ASIC2: variants seen among roughly 807,000 people sequenced by gnomAD.
The protein encoded by ASIC2 is acid sensing ion channel subunit 2, also known as acid-sensing ion channel 2.
A neutral mutation model predicts 57.3 loss-of-function variants in ASIC2; 25 were observed. The observed-to-expected ratio is 0.44, with a 90% CI of 0.32 to 0.61. The LOEUF (loss-of-function observed/expected upper bound fraction) is 0.61, where lower values mean the gene tolerates loss of function less well. Among genes scored for constraint, ASIC2 ranks in the 20% least tolerant of loss-of-function variants. The pLI, the probability that ASIC2 is intolerant of heterozygous loss-of-function variation, is 0.06. For missense variants in ASIC2, 641 were observed against 738.1 expected (o/e 0.87, Z 1.52); for synonymous variants, 319 against 307.5 (o/e 1.04, Z -0.39).
intron 1 of ASIC2, among the ~76,000 whole-genome samples, chr17:33,866,384 T>C (rs1914237866): frequency 6.6e-6 from 1 of 152,212 alleles, no homozygotes; most frequent in South Asian, 2.1e-4. Context: ...ATTGTATGGA[T>C]ATCTTCATAG....
intron 3 of ASIC2, among the ~76,000 whole-genome samples, chr17:33,038,406 A>C (rs1207072713): frequency 2.0e-5 from 3 of 152,172 alleles, no homozygotes; most frequent in Non-Finnish European, 4.4e-5. Flanking sequence ...CCAAGTCAAG[A>C]TGTTACCAGG....
At chr17:33,760,733 A>G (rs1302085862) in intron 1 of ASIC2, among the ~76,000 whole-genome samples, 5 of 152,132 alleles carry the variant, frequency 3.3e-5, no homozygotes, top group Admixed American at 2.6e-4. Flanking sequence ...TCTTGAAGGT[A>G]AGAGGACAGA....
In ASIC2 at chr17:33,767,288, T is replaced by A. The variant is rs556346657; in HGVS notation, c.555+388690A>T. Among the ~76,000 whole-genome samples the A allele has an allele frequency of 1.5e-4, 23 of 152,370 alleles. No individual in the cohort carries two copies. The South Asian group carries it at 4.8e-3, about 32-fold the overall frequency. ...GTTCAAAAGTATATTTCCTGTGCGC[T>A]GCAGAGTTCATGTTTTAAATCAGAC... is the stretch of plus-strand genomic sequence containing the variant. On this transcript the variant is annotated intron_variant, in intron 1 of 9. Transcript: ENST00000359872.
chr17:33,690,035 A>T lies in ASIC2; in HGVS notation c.555+465943T>A, dbSNP rs956670360. Among the ~76,000 whole-genome samples, 4 of 152,260 alleles carry T rather than the reference A, an allele frequency of 2.6e-5. No individual in the cohort carries two copies. The East Asian group carries it at 7.7e-4, about 29-fold the overall frequency. On this transcript the variant is annotated intron_variant, in intron 1 of 9. Transcript: ENST00000359872. Reference sequence around the variant, plus strand: ...GCTTTAAGTTTCCCAGTTTGTGGTAACTTGTTATAGCAGCTCTAGGAAACT... The same window carrying T: ...GCTTTAAGTTTCCCAGTTTGTGGTATCTTGTTATAGCAGCTCTAGGAAACT...
intron 1 of ASIC2, among the ~76,000 whole-genome samples, chr17:34,124,826 C>T (rs923046528): frequency 1.3e-5 from 2 of 152,024 alleles, no homozygotes; most frequent in Non-Finnish European, 2.9e-5. Context: ...CACTCATTAA[C>T]TCATCTAAGC....
At chr17:33,578,030 C>G (rs1916692563) in intron 1 of ASIC2, among the ~76,000 whole-genome samples, 1 of 152,162 alleles carries the variant, frequency 6.6e-6, no homozygotes, top group Admixed American at 6.5e-5. Flanking sequence ...AGCGAGGACT[C>G]AAGGACTGTA....
chr17:33,292,548 A>G lies in ASIC2; in HGVS notation c.-433T>C. The G allele has an allele frequency of 1.0e-6, 1 of 985,590 alleles. No homozygotes were observed. Among genetic ancestry groups the G allele is most frequent in the African/African-American group, 1.7e-5 (1 of 57,302 alleles). The allele number at this position is 985,590 out of a possible 1,614,324, so 61.1% of individuals were successfully genotyped here. A position where few individuals can be genotyped will look rare whatever the true frequency, so the allele number is the denominator to read the frequency against. ...CCTGCCCCGCCTAACCCCAGCTTTTACGCTGGTCCTGGGAGAAGGGCCACT... is the reference window on the plus strand; with the variant it reads ...CCTGCCCCGCCTAACCCCAGCTTTTGCGCTGGTCCTGGGAGAAGGGCCACT... On this transcript the variant is annotated 5_prime_UTR_variant, in exon 1 of 10. Coordinates refer to ENST00000225823, the MANE Select transcript of ASIC2 (RefSeq NM_183377.2).
intron 1 of ASIC2, among the ~76,000 whole-genome samples, chr17:33,376,082 G>C (rs1438804190): frequency 2.0e-5 from 3 of 152,076 alleles, no homozygotes; most frequent in African/African-American, 7.2e-5. Context: ...TATATGTTTG[G>C]TATTTAAAAC....
chr17:33,320,756 A>G (rs1906837664), intron 1 of ASIC2, among the ~76,000 whole-genome samples: 1 of 152,160 alleles, frequency 6.6e-6, no homozygotes, highest in Non-Finnish European at 1.5e-5. Context: ...CTGGAAATGC[A>G]GACTTCATGA....
At chr17:33,253,518 G>T (rs1170486004) in intron 1 of ASIC2, among the ~76,000 whole-genome samples, 1 of 152,146 alleles carries the variant, frequency 6.6e-6, no homozygotes, top group Non-Finnish European at 1.5e-5. Context: ...AGATTTTCTT[G>T]CATTTCTTTT....
intron 1 of ASIC2, among the ~76,000 whole-genome samples, chr17:33,334,501 A>G (rs907203206): frequency 6.6e-6 from 1 of 152,188 alleles, no homozygotes; most frequent in African/African-American, 2.4e-5. Context: ...TCCAGCATGG[A>G]CCAACTGTCC....
chr17:33,953,541 G>T (rs1418793698), intron 1 of ASIC2, among the ~76,000 whole-genome samples: 18 of 150,898 alleles, frequency 1.2e-4, no homozygotes, highest in Non-Finnish European at 1.5e-5. Context: ...TATCTACTTG[G>T]TTGCTTGCTC....
chr17:33,840,370 G>A (rs1597897902), intron 1 of ASIC2, among the ~76,000 whole-genome samples: 2 of 152,236 alleles, frequency 1.3e-5, no homozygotes, highest in African/African-American at 4.8e-5. Flanking sequence ...TGAGGCTTCA[G>A]CAAAACTGAA....
intron 1 of ASIC2, among the ~76,000 whole-genome samples, chr17:34,035,670 T>A (rs1216540574): frequency 6.6e-6 from 1 of 151,940 alleles, no homozygotes; most frequent in Non-Finnish European, 1.5e-5. Context: ...TACAATGAAC[T>A]CAAACAAATT....
intron 2 of ASIC2, among the ~76,000 whole-genome samples, chr17:33,102,815 GCT>G (rs1567745404): frequency 6.6e-6 from 1 of 151,996 alleles, no homozygotes; most frequent in South Asian, 2.1e-4. Context: ...ATGGAGTCTC[GCT>G]CTGTCGCCCA....
intron 1 of ASIC2, among the ~76,000 whole-genome samples, chr17:33,776,331 T>C (rs1337898337): frequency 6.6e-6 from 1 of 152,124 alleles, no homozygotes; most frequent in Admixed American, 6.5e-5. Context: ...CTGTCTGCCA[T>C]GTAAGGTTAC....
chr17:33,172,137 CT>C (rs1278254642), intron 1 of ASIC2, among the ~76,000 whole-genome samples: 51 of 152,212 alleles, frequency 3.4e-4, no homozygotes, highest in African/African-American at 7.2e-5. Flanking sequence ...ATCATGCCCC[CT>C]GATAGTATAG....
intron 1 of ASIC2, among the ~76,000 whole-genome samples, chr17:33,746,855 A>G (rs947423494): frequency 3.9e-5 from 6 of 152,212 alleles, no homozygotes; most frequent in South Asian, 2.1e-4. Context: ...TTCACTGATT[A>G]CAATGGGATG....
chr17:33,602,997 T>C (rs887454373), intron 1 of ASIC2, among the ~76,000 whole-genome samples: 1 of 152,178 alleles, frequency 6.6e-6, no homozygotes, highest in Non-Finnish European at 1.5e-5. Flanking sequence ...GAGAGGGAGC[T>C]GGAGGGCACA....
Sources: allele counts gnomAD v4.1 joint callset (sites outside exome capture counted in the v4.1 genomes callset), GRCh38; gene constraint gnomAD v4.1.1; transcripts MANE v1.5; gene names NCBI Gene and HGNC (gene_info 2026-07-23, HGNC 2026-07-21).